FAM237B: variants seen among roughly 807,000 people sequenced by gnomAD.
FAM237B encodes protein FAM237B.
chr7:90,321,178 CCCAAGCTCGCTCAGCGGAACCG>C lies in FAM237B; in HGVS notation c.-329_-308del, dbSNP rs1795279570. The stretch of plus-strand genomic sequence containing the variant: ...ACCCACCCCGAGCGCTCACCGGGCG[CCCAAGCTCGCTCAGCGGAACCG>C]TCTCGGCCGCGGTGCGCTTCGGCGC... On this transcript the variant is annotated 5_prime_UTR_variant, in exon 1 of 3. Transcript: ENST00000692316. The C allele has an allele frequency of 6.6e-6, 1 of 152,304 alleles. No homozygotes were observed. The allele number at this position is 152,304 out of a possible 1,614,324, so 9.4% of individuals were successfully genotyped here. A position where few individuals can be genotyped will look rare whatever the true frequency, so the allele number is the denominator to read the frequency against.
At chr7:90,320,036 A>C (rs1184128519) in intron 2 of FAM237B, among the ~76,000 whole-genome samples, 1 of 152,188 alleles carries the variant, frequency 6.6e-6, no homozygotes, top group Non-Finnish European at 1.5e-5. Context: ...AGAAACCCTA[A>C]AGAGCTTATG....
Position 90,317,710 on chromosome 7 carries a change from T to A in FAM237B, c.*1619A>T, listed in dbSNP as rs1794935314. The A allele has an allele frequency of 6.6e-6, 1 of 152,132 alleles. No homozygotes were observed. Among genetic ancestry groups the A allele is most frequent in the African/African-American group, 2.4e-5 (1 of 41,448 alleles). 9.4% of individuals were successfully genotyped at this position (152,132 alleles called of 1,614,324 possible). A position where few individuals can be genotyped will look rare whatever the true frequency, so the allele number is the denominator to read the frequency against. ...ATACATCATCAGAATTTGAAAGTGG[T>A]CAATAATGCAAAGAACGTCCCTCCT... On this transcript the variant is annotated 3_prime_UTR_variant, in exon 3 of 3. Transcript: ENST00000692316.
Position 90,319,068 on chromosome 7 carries a change from G to T in FAM237B, c.*261C>A. The T allele has an allele frequency of 3.8e-6, 1 of 262,288 alleles. No individual in the cohort carries two copies. The allele number at this position is 262,288 out of a possible 1,614,324, so 16.2% of individuals were successfully genotyped here. A position where few individuals can be genotyped will look rare whatever the true frequency, so the allele number is the denominator to read the frequency against. ...CAAATGTAATATGAATAATTACAGGGTTAAATGGCTTTCTTATGAACTATT... is the reference window on the plus strand; with the variant it reads ...CAAATGTAATATGAATAATTACAGGTTTAAATGGCTTTCTTATGAACTATT... On this transcript the variant is annotated 3_prime_UTR_variant, in exon 3 of 3. Transcript: ENST00000692316.
Position 90,319,727 on chromosome 7 carries a change from A to G in FAM237B, c.22T>C (p.Trp8Arg), listed in dbSNP as rs1795136484. 1 of 398,572 alleles carries G rather than the reference A, an allele frequency of 2.5e-6. No homozygotes were observed. 24.7% of individuals were successfully genotyped at this position (398,572 alleles called of 1,614,324 possible). A position where few individuals can be genotyped will look rare whatever the true frequency, so the allele number is the denominator to read the frequency against. The change falls in exon 3 of 3, where the codon TGG (tryptophan) becomes CGG (arginine). Residue 8 changes from tryptophan to arginine, a missense_variant. Transcript: ENST00000692316. MCFATRRWFYLHLGCMML... is the reference protein window; with the variant it reads MCFATRRRFYLHLGCMML... ...ATGCAGCCCAAATGTAGATAGAACC[A>G]TCTTCTTGTAGCAAAACACATATTC...
Position 90,317,125 on chromosome 7 carries a change from A to T in FAM237B, c.*2204T>A, listed in dbSNP as rs1794875603. 6.6e-6 allele frequency: 1 copy of T among 151,956 alleles called. No homozygotes were observed. Among genetic ancestry groups the T allele is most frequent in the African/African-American group, 2.4e-5 (1 of 41,354 alleles). The allele number at this position is 151,956 out of a possible 1,614,324, so 9.4% of individuals were successfully genotyped here. On this transcript the variant is annotated 3_prime_UTR_variant, in exon 3 of 3. Coordinates refer to ENST00000692316, the MANE Select transcript of FAM237B (RefSeq NM_001384237.2). Reference sequence around the variant, plus strand: ...TTTTTAGACCAAAAGCAGTTTAATGATAAAGAACACAGATGTTCAATATGG... The same window carrying T: ...TTTTTAGACCAAAAGCAGTTTAATGTTAAAGAACACAGATGTTCAATATGG...
Position 90,319,554 on chromosome 7 carries a change from C to G in FAM237B, c.195G>C (p.Glu65Asp). Residue 65 changes from glutamate to aspartate, a missense_variant, in exon 3 of 3, where the codon GAG becomes GAC. Transcript: ENST00000692316. ...AATTCCAAAAAGCATCCACATTGTGCTCTATCTTGAGTTCCTTGAGATCTA... is the reference window on the plus strand; with the variant it reads ...AATTCCAAAAAGCATCCACATTGTGGTCTATCTTGAGTTCCTTGAGATCTA... ...TLIDLKELKI[E>D]HNVDAFWNFM... 1 of 398,612 alleles carries G rather than the reference C, an allele frequency of 2.5e-6. No individual in the cohort carries two copies. Among genetic ancestry groups the G allele is most frequent in the South Asian group, 1.3e-4 (1 of 7,864 alleles). 24.7% of individuals were successfully genotyped at this position (398,612 alleles called of 1,614,324 possible). A position where few individuals can be genotyped will look rare whatever the true frequency, so the allele number is the denominator to read the frequency against.
At position 90,317,893 on chromosome 7, in the gene FAM237B, C is replaced by G. The variant is rs1235662235; in HGVS notation, c.*1436G>C. On this transcript the variant is annotated 3_prime_UTR_variant, in exon 3 of 3. Transcript: ENST00000692316. ...TCTGTCATTGTAAGGATACTTGAAACCAGTGTTGTAAACCATGGTAGCCAC... is the reference window on the plus strand; with the variant it reads ...TCTGTCATTGTAAGGATACTTGAAAGCAGTGTTGTAAACCATGGTAGCCAC... 6.6e-6 allele frequency: 1 copy of G among 152,082 alleles called. No homozygotes were observed. Among genetic ancestry groups the G allele is most frequent in the Non-Finnish European group, 1.5e-5 (1 of 67,982 alleles). 9.4% of individuals were successfully genotyped at this position (152,082 alleles called of 1,614,324 possible). A position where few individuals can be genotyped will look rare whatever the true frequency, so the allele number is the denominator to read the frequency against.
chr7:90,319,563 G>A lies in FAM237B; in HGVS notation c.186C>T (p.Leu62=). 2.5e-6 allele frequency: 1 copy of A among 398,520 alleles called. No individual in the cohort carries two copies. The highest frequency in any genetic ancestry group is 3.6e-5 in the East Asian group (1 of 28,064). 24.7% of individuals were successfully genotyped at this position (398,520 alleles called of 1,614,324 possible). ...AAGCATCCACATTGTGCTCTATCTT[G>A]AGTTCCTTGAGATCTATCAATGTCA... is the stretch of plus-strand genomic sequence containing the variant. ...CSLTLIDLKE[L]KIEHNVDAFW... is the part of the protein sequence containing the mutation. The change falls in exon 3 of 3, where the codon CTC becomes CTT. Residue 62 remains leucine, a synonymous_variant. Coordinates refer to ENST00000692316, the MANE Select transcript of FAM237B (RefSeq NM_001384237.2).
At chr7:90,319,915 A>T (rs1228451025) in intron 2 of FAM237B, among the ~76,000 whole-genome samples, 164 bp from the exon 3 acceptor site, 2 of 152,220 alleles carry the variant, frequency 1.3e-5, no homozygotes, top group African/African-American at 4.8e-5. Flanking sequence ...ATCTTCCTTT[A>T]GGATATTACA....
At chr7:90,319,982 T>C (rs1795169276) in intron 2 of FAM237B, among the ~76,000 whole-genome samples, 1 of 152,204 alleles carries the variant, frequency 6.6e-6, no homozygotes, top group Non-Finnish European at 1.5e-5. Flanking sequence ...AACACATTTA[T>C]GAAAATGCAA....
rs1466184429 is a variant in FAM237B, at chr7:90,319,739, C to T, written c.10G>A (p.Ala4Thr). The T allele has an allele frequency of 5.0e-6, 2 of 397,986 alleles. No homozygotes were observed. The highest frequency in any genetic ancestry group is 8.9e-6 in the Non-Finnish European group (2 of 225,972). The allele number at this position is 397,986 out of a possible 1,614,324, so 24.7% of individuals were successfully genotyped here. A position where few individuals can be genotyped will look rare whatever the true frequency, so the allele number is the denominator to read the frequency against. The change falls in exon 3 of 3, where the codon GCT (alanine) becomes ACT (threonine). Residue 4 changes from alanine to threonine, a missense_variant. Coordinates refer to ENST00000692316, the MANE Select transcript of FAM237B (RefSeq NM_001384237.2). ...TGTAGATAGAACCATCTTCTTGTAG[C>T]AAAACACATATTCTATACAGAAAAA... MCF[A>T]TRRWFYLHLG...
chr7:90,318,459 T>C lies in FAM237B; in HGVS notation c.*870A>G, dbSNP rs1185993672. 6.6e-6 allele frequency: 1 copy of C among 152,182 alleles called. No individual in the cohort carries two copies. The highest frequency in any genetic ancestry group is 6.5e-5 in the Admixed American group (1 of 15,288). 9.4% of individuals were successfully genotyped at this position (152,182 alleles called of 1,614,324 possible). The stretch of plus-strand genomic sequence containing the variant: ...TTTAATATAGAAGATGGCTTGGTAA[T>C]GAAATGTACATTTCAGAAACCACAA... On this transcript the variant is annotated 3_prime_UTR_variant, in exon 3 of 3. Transcript: ENST00000692316.
At position 90,319,146 on chromosome 7, in the gene FAM237B, A is replaced by G; in HGVS notation, c.*183T>C. On this transcript the variant is annotated 3_prime_UTR_variant, in exon 3 of 3. Coordinates refer to ENST00000692316, the MANE Select transcript of FAM237B (RefSeq NM_001384237.2). ...ATCTACCAAAGTGTATTATATTCCA[A>G]GATCATTTAAAATTGTAAGTCAGAG... The G allele has an allele frequency of 2.6e-6, 1 of 384,080 alleles. No homozygotes were observed. The allele number at this position is 384,080 out of a possible 1,614,324, so 23.8% of individuals were successfully genotyped here. A position where few individuals can be genotyped will look rare whatever the true frequency, so the allele number is the denominator to read the frequency against.
chr7:90,320,137 A>G (rs1399289660), intron 2 of FAM237B, among the ~76,000 whole-genome samples: 1 of 152,198 alleles, frequency 6.6e-6, no homozygotes, highest in East Asian at 1.9e-4. Context: ...ACTCCTACCT[A>G]CCACAACACA....
chr7:90,317,174 C>A lies in FAM237B; in HGVS notation c.*2155G>T, dbSNP rs1794879813. On this transcript the variant is annotated 3_prime_UTR_variant, in exon 3 of 3. Coordinates refer to ENST00000692316, the MANE Select transcript of FAM237B (RefSeq NM_001384237.2). ...GGAGATGAGAAAGGACAGGAAAGTT[C>A]TTGGCAAGATTAACTCAACTTTTTA... 1 of 151,786 alleles carries A rather than the reference C, an allele frequency of 6.6e-6. No individual in the cohort carries two copies. The highest frequency in any genetic ancestry group is 1.5e-5 in the Non-Finnish European group (1 of 67,940). 9.4% of individuals were successfully genotyped at this position (151,786 alleles called of 1,614,324 possible).
intron 2 of FAM237B, among the ~76,000 whole-genome samples, chr7:90,320,194 G>A (rs1156448516): frequency 6.6e-6 from 1 of 152,128 alleles, no homozygotes; most frequent in African/African-American, 2.4e-5. Flanking sequence ...ATGTAACATA[G>A]GAAGTATTTT....
chr7:90,319,097 G>T lies in FAM237B; in HGVS notation c.*232C>A. On this transcript the variant is annotated 3_prime_UTR_variant, in exon 3 of 3. Coordinates refer to ENST00000692316, the MANE Select transcript of FAM237B (RefSeq NM_001384237.2). Reference sequence around the variant, plus strand: ...AATGGCTTTCTTATGAACTATTCATGGGCAAACAAGGATAATTTTAATTAT... The same window carrying T: ...AATGGCTTTCTTATGAACTATTCATTGGCAAACAAGGATAATTTTAATTAT... 4 of 305,220 alleles carry T rather than the reference G, an allele frequency of 1.3e-5. No individual in the cohort carries two copies. The highest frequency in any genetic ancestry group is 1.1e-4 in the East Asian group (2 of 18,848). 18.9% of individuals were successfully genotyped at this position (305,220 alleles called of 1,614,324 possible). A position where few individuals can be genotyped will look rare whatever the true frequency, so the allele number is the denominator to read the frequency against.
Position 90,319,542 on chromosome 7 carries a change from A to T in FAM237B, c.207T>A (p.Asp69Glu). The change falls in exon 3 of 3, where the codon GAT (aspartate) becomes GAA (glutamate). Residue 69 changes from aspartate (D) to glutamate (E), a missense_variant. Physicochemically the swap from Asp to Glu is conservative, Grantham distance 45. Transcript: ENST00000692316. ...LKELKIEHNV[D>E]AFWNFMLFLQ... ...AGAACAACATGAAATTCCAAAAAGC[A>T]TCCACATTGTGCTCTATCTTGAGTT... 2.5e-6 allele frequency: 1 copy of T among 398,628 alleles called. No homozygotes were observed. Among genetic ancestry groups the T allele is most frequent in the Non-Finnish European group, 4.4e-6 (1 of 226,054 alleles). The allele number at this position is 398,628 out of a possible 1,614,324, so 24.7% of individuals were successfully genotyped here.
Position 90,319,086 on chromosome 7 carries a change from G to T in FAM237B, c.*243C>A. ...TTACAGGGTTAAATGGCTTTCTTAT[G>T]AACTATTCATGGGCAAACAAGGATA... On this transcript the variant is annotated 3_prime_UTR_variant, in exon 3 of 3. Transcript: ENST00000692316. 3 of 289,606 alleles carry T rather than the reference G, an allele frequency of 1.0e-5. No homozygotes were observed. The highest frequency in any genetic ancestry group is 5.8e-5 in the East Asian group (1 of 17,266). 17.9% of individuals were successfully genotyped at this position (289,606 alleles called of 1,614,324 possible). A position where few individuals can be genotyped will look rare whatever the true frequency, so the allele number is the denominator to read the frequency against.
Sources: allele counts gnomAD v4.1 joint callset (sites outside exome capture counted in the v4.1 genomes callset), GRCh38; gene constraint gnomAD v4.1.1; transcripts MANE v1.5; gene names NCBI Gene and HGNC (gene_info 2026-07-23, HGNC 2026-07-21).